The following PIK3C2G variants were observed in gnomAD, a reference collection of about 807,000 sequenced individuals.
PIK3C2G encodes the protein phosphatidylinositol-4-phosphate 3-kinase catalytic subunit type 2 gamma, also known as phosphatidylinositol 3-kinase C2 domain-containing subunit gamma.
PIK3C2G carries 168 observed loss-of-function variants against 181.1 expected under a neutral mutation model. That is an observed-to-expected ratio of 0.93 (90% confidence interval 0.82 to 1.05). PIK3C2G has a LOEUF of 1.05. Among genes scored for constraint, PIK3C2G ranks in the 50% least tolerant of loss-of-function variants. The pLI is 0.00. For missense variants in PIK3C2G, 1,869 were observed against 1,732.8 expected, an observed-to-expected ratio of 1.08 and a Z score of -1.40; for synonymous variants, 573 against 592.2, an observed-to-expected ratio of 0.97 and a Z score of 0.47.
chr12:18,703,457 T>C, the PIK3C2G span, among the ~76,000 whole-genome samples: 1 of 152,184 alleles, frequency 6.6e-6, no homozygotes, highest in Non-Finnish European at 1.5e-5. Flanking sequence ...AATACAGCTG[T>C]TTTTCTTCGA....
At chr12:18,404,320 G>C (rs1426535944) in intron 16 of PIK3C2G, among the ~76,000 whole-genome samples, 1 of 151,958 alleles carries the variant, frequency 6.6e-6, no homozygotes, top group Admixed American at 6.6e-5. Context: ...TTTATTTATT[G>C]AACAAAAATA....
At chr12:18,618,621 A>G (rs1252750089) in intron 31 of PIK3C2G, among the ~76,000 whole-genome samples, 1 of 152,170 alleles carries the variant, frequency 6.6e-6, no homozygotes. Context: ...AGTTGAAAAG[A>G]CAATAGATAC....
intron 13 of PIK3C2G, among the ~76,000 whole-genome samples, chr12:18,380,316 A>G (rs1942752807): frequency 6.6e-6 from 1 of 151,558 alleles, no homozygotes; most frequent in Admixed American, 6.6e-5. Context: ...CTCCCTCCTC[A>G]CCTCTGTTGA....
chr12:18,265,896 C>T (rs1456893136), intron 1 of PIK3C2G, among the ~76,000 whole-genome samples: 1 of 151,516 alleles, frequency 6.6e-6, no homozygotes, highest in Non-Finnish European at 1.5e-5. Context: ...CGCCTGTAAT[C>T]CCAGCTACTC....
chr12:18,559,689 T>C (rs1049898115), intron 26 of PIK3C2G, among the ~76,000 whole-genome samples: 2 of 147,970 alleles, frequency 1.4e-5, no homozygotes, highest in Non-Finnish European at 3.0e-5. Flanking sequence ...GGACAAGAGA[T>C]AATATTAGCA....
intron 18 of PIK3C2G, among the ~76,000 whole-genome samples, chr12:18,433,887 C>G (rs1261664347): frequency 6.6e-6 from 1 of 152,102 alleles, no homozygotes; most frequent in African/African-American, 2.4e-5. Context: ...GCCTGAAGGA[C>G]AGGGAAAAGA....
intron 8 of PIK3C2G, among the ~76,000 whole-genome samples, chr12:18,327,921 C>G (rs1274900567): frequency 6.6e-6 from 1 of 151,828 alleles, no homozygotes; most frequent in Non-Finnish European, 1.5e-5. Flanking sequence ...GGTGTCTATA[C>G]AGAGCAAAGC....
intron 31 of PIK3C2G, among the ~76,000 whole-genome samples, chr12:18,630,210 G>C (rs532947678): frequency 6.6e-6 from 1 of 152,136 alleles, no homozygotes; most frequent in South Asian, 2.1e-4. Context: ...GGCCAACATG[G>C]TGAAACCCTG....
chr12:18,635,951 A>G (rs1223638805), intron 31 of PIK3C2G, among the ~76,000 whole-genome samples: 1 of 152,164 alleles, frequency 6.6e-6, no homozygotes, highest in Non-Finnish European at 1.5e-5. Flanking sequence ...ATATATCAAC[A>G]TGCTCCACAC....
At chr12:18,479,768 A>C (rs529427999) in intron 18 of PIK3C2G, among the ~76,000 whole-genome samples, 218 of 152,284 alleles carry the variant, frequency 1.4e-3, no homozygotes, top group African/African-American at 4.2e-3. Flanking sequence ...TTTAGAACAC[A>C]GAATATGGTG....
At chr12:18,719,676 C>T in the PIK3C2G span, 5 of 1,373,230 alleles carry the variant, frequency 3.6e-6, no homozygotes, top group Non-Finnish European at 1.0e-6. Flanking sequence ...GCAAAAATAC[C>T]ATTAGCAAGA....
chr12:18,475,218 G>A (rs1358582032), intron 18 of PIK3C2G, among the ~76,000 whole-genome samples: 1 of 151,812 alleles, frequency 6.6e-6, no homozygotes, highest in Non-Finnish European at 1.5e-5. Context: ...TCTTAAATAA[G>A]ACTGGGTTTT....
intron 31 of PIK3C2G, among the ~76,000 whole-genome samples, chr12:18,619,831 T>A (rs1211506230): frequency 2.6e-5 from 4 of 151,820 alleles, no homozygotes; most frequent in African/African-American, 9.7e-5. Context: ...TTCACGCCAT[T>A]CTTCTGCCTC....
intron 24 of PIK3C2G, among the ~76,000 whole-genome samples, chr12:18,529,222 G>A (rs961966566): frequency 6.6e-6 from 1 of 152,050 alleles, no homozygotes; most frequent in Non-Finnish European, 1.5e-5. Context: ...AAAGGTGGTT[G>A]CACTGCAAGA....
chr12:18,286,739 A>T (rs1190277317), intron 2 of PIK3C2G, 108 bp from the exon 3 acceptor site: 2 of 625,810 alleles, frequency 3.2e-6, no homozygotes, highest in Non-Finnish European at 5.4e-6. Flanking sequence ...AATCTAAAAA[A>T]AATTAAAAAT....
chr12:18,608,215 C>T (rs1035683613), intron 30 of PIK3C2G, among the ~76,000 whole-genome samples: 17 of 151,938 alleles, frequency 1.1e-4, no homozygotes, highest in African/African-American at 4.1e-4. Flanking sequence ...GGGTATATAC[C>T]CAAAGGATTA....
intron 26 of PIK3C2G, among the ~76,000 whole-genome samples, chr12:18,555,974 A>G (rs1944990404): frequency 1.3e-5 from 2 of 152,106 alleles, no homozygotes; most frequent in African/African-American, 4.8e-5. Context: ...AAGGATGAAA[A>G]GATTAACATG....
chr12:18,624,068 A>G (rs1948986089), intron 31 of PIK3C2G, among the ~76,000 whole-genome samples: 1 of 151,644 alleles, frequency 6.6e-6, no homozygotes, highest in African/African-American at 2.4e-5. Context: ...CTCTAGTGCT[A>G]TATTGAATAG....
chr12:18,349,000 G>A (rs368618266), intron 11 of PIK3C2G, among the ~76,000 whole-genome samples: 26 of 152,290 alleles, frequency 1.7e-4, no homozygotes, highest in African/African-American at 6.0e-4. Flanking sequence ...AGGTGTGGGA[G>A]CCTCAATTCC....
Sources: allele counts gnomAD v4.1 joint callset (sites outside exome capture counted in the v4.1 genomes callset), GRCh38; gene constraint gnomAD v4.1.1; transcripts MANE v1.5; gene names NCBI Gene and HGNC (gene_info 2026-07-23, HGNC 2026-07-21).